The following DCDC1 variants were observed in gnomAD, a reference collection of about 807,000 sequenced individuals.
DCDC1 encodes the protein doublecortin domain containing 1, also known as doublecortin domain-containing protein 1.
DCDC1 carries 200 observed loss-of-function variants against 178.3 expected under a neutral mutation model. The ratio of observed to expected loss-of-function variants is 1.12; its 90% confidence interval spans 1.00 to 1.26. DCDC1 has a LOEUF of 1.26. Ranked by LOEUF, DCDC1 falls within the 50% of genes most tolerant of loss-of-function variation. The pLI is 0.00. For synonymous variants in DCDC1, 690 were observed against 604.8 expected (o/e 1.14, Z -2.07); for missense variants, 1,983 against 1,749.2 (o/e 1.13, Z -2.38).
intron 20 of DCDC1, among the ~76,000 whole-genome samples, chr11:30,981,340 T>TAC (rs1950385252): frequency 6.6e-6 from 1 of 152,114 alleles, no homozygotes; most frequent in Non-Finnish European, 1.5e-5. Flanking sequence ...TGAATTAAAA[T>TAC]AAATTTTAAA....
intron 38 of DCDC1, among the ~76,000 whole-genome samples, chr11:30,873,000 T>C (rs946466149): frequency 6.6e-6 from 1 of 150,548 alleles, no homozygotes; most frequent in Non-Finnish European, 1.5e-5. Flanking sequence ...AATATATATA[T>C]ATATAAATAT....
intron 36 of DCDC1, among the ~76,000 whole-genome samples, chr11:30,888,893 C>A (rs1321449305): frequency 6.6e-6 from 1 of 152,222 alleles, no homozygotes; most frequent in East Asian, 1.9e-4. Context: ...TGCTCACCCA[C>A]AGTCTATTTT....
chr11:31,238,749 A>G (rs1447129157), intron 9 of DCDC1, among the ~76,000 whole-genome samples: 2 of 152,148 alleles, frequency 1.3e-5, no homozygotes, highest in African/African-American at 2.4e-5. Context: ...GCTCCAAGCA[A>G]TTTCCAAGAT....
intron 1 of DCDC1, among the ~76,000 whole-genome samples, chr11:31,347,749 C>T (rs1950886762): frequency 6.6e-6 from 1 of 151,988 alleles, no homozygotes; most frequent in Non-Finnish European, 1.5e-5. Context: ...ATAGAAGGTG[C>T]CAGGGGTCAA....
intron 13 of DCDC1, among the ~76,000 whole-genome samples, chr11:31,106,415 A>C (rs1958848155): frequency 6.6e-6 from 1 of 151,956 alleles, no homozygotes; most frequent in Non-Finnish European, 1.5e-5. Context: ...AAAAAGGGAC[A>C]AAAAAAATAG....
intron 1 of DCDC1, among the ~76,000 whole-genome samples, chr11:31,364,203 C>T (rs1951843846): frequency 6.6e-6 from 1 of 152,166 alleles, no homozygotes; most frequent in South Asian, 2.1e-4. Context: ...ATAATATTTT[C>T]AACTTAAAAT....
At chr11:31,006,965 A>C (rs1299865683) in intron 20 of DCDC1, among the ~76,000 whole-genome samples, 1 of 152,206 alleles carries the variant, frequency 6.6e-6, no homozygotes, top group African/African-American at 2.4e-5. Context: ...CTAGAAACTA[A>C]GTCTGGCCAT....
intron 11 of DCDC1, among the ~76,000 whole-genome samples, chr11:31,120,443 A>G (rs1238736052): frequency 1.3e-5 from 2 of 152,092 alleles, no homozygotes; most frequent in Non-Finnish European, 2.9e-5. Context: ...TGAGCTGCCT[A>G]AAAAAGACCC....
At chr11:31,019,412 GT>G (rs1952714277) in intron 20 of DCDC1, among the ~76,000 whole-genome samples, 1 of 151,224 alleles carries the variant, frequency 6.6e-6, no homozygotes, top group Non-Finnish European at 1.5e-5. Context: ...TATATTATAT[GT>G]TTGTAGAGTG....
In DCDC1 at chr11:30,984,253, G is replaced by C. The variant is rs554783833; in HGVS notation, c.2592-31685C>G. Among the ~76,000 whole-genome samples, 13 of 152,206 alleles carry C rather than the reference G, an allele frequency of 8.5e-5. No homozygotes were observed. The South Asian group carries it at 2.7e-3, about 32-fold the overall frequency. ...TGTGTGCGAGCGCAGGTGTGTGTTT[G>C]GGCACGTGTGTATACAGAACTGTGT... On this transcript the variant is annotated intron_variant, in intron 20 of 38. Coordinates refer to ENST00000684477, the MANE Select transcript of DCDC1 (RefSeq NM_001387274.1).
At chr11:31,353,649 A>T (rs1178619467) in intron 1 of DCDC1, among the ~76,000 whole-genome samples, 1 of 152,196 alleles carries the variant, frequency 6.6e-6, no homozygotes, top group Non-Finnish European at 1.5e-5. Context: ...ATTCTTAAGG[A>T]TAATTTATAC....
intron 1 of DCDC1, among the ~76,000 whole-genome samples, chr11:31,363,723 A>G (rs1053448833): frequency 6.6e-6 from 1 of 152,188 alleles, no homozygotes; most frequent in African/African-American, 2.4e-5. Context: ...CCCACAAATT[A>G]ACACCCCTTG....
chr11:31,254,324 G>T (rs369194932), intron 8 of DCDC1, among the ~76,000 whole-genome samples: 3 of 152,060 alleles, frequency 2.0e-5, no homozygotes, highest in Non-Finnish European at 4.4e-5. Flanking sequence ...TGATTAAGTC[G>T]GATGACTGAG....
At chr11:31,172,937 T>G (rs1967444002) in intron 9 of DCDC1, among the ~76,000 whole-genome samples, 1 of 152,162 alleles carries the variant, frequency 6.6e-6, no homozygotes, top group African/African-American at 2.4e-5. Context: ...TTACATACTC[T>G]AAGAACAAAA....
intron 9 of DCDC1, among the ~76,000 whole-genome samples, chr11:31,223,890 C>A (rs1156402696): frequency 6.6e-6 from 1 of 151,906 alleles, no homozygotes; most frequent in East Asian, 1.9e-4. Flanking sequence ...GTGTCCCCAC[C>A]AAATCTCAAC....
chr11:31,029,982 A>G (rs1285026258), intron 20 of DCDC1, among the ~76,000 whole-genome samples: 1 of 152,138 alleles, frequency 6.6e-6, no homozygotes, highest in East Asian at 1.9e-4. Flanking sequence ...TTTTCATAAT[A>G]TACACAGTTA....
At position 31,200,692 on chromosome 11, in the gene DCDC1, G is replaced by A. The variant is rs1237585825; in HGVS notation, c.1221+40758C>T. 2.0e-5 allele frequency among the ~76,000 whole-genome samples: 3 copies of A among 151,966 alleles called. No individual in the cohort carries two copies. The East Asian group carries it at 5.8e-4, about 29-fold the overall frequency. On this transcript the variant is annotated intron_variant, in intron 9 of 38. Transcript: ENST00000684477. ...TCTGTTAATTTTGTTTAGATAGGCT[G>A]CCTTAGTAATTATATTTCATGTGCT...
At chr11:31,036,513 C>G (rs1230989689) in intron 20 of DCDC1, among the ~76,000 whole-genome samples, 3 of 152,170 alleles carry the variant, frequency 2.0e-5, no homozygotes, top group Non-Finnish European at 2.9e-5. Context: ...CTACCTGTCT[C>G]CTGCTCTAAA....
rs543243031 is a variant in DCDC1 at position 30,945,984 on chromosome 11, C to T, written c.2715+6461G>A. ...TTTTTTAGCTCTGTCCTTTTGAGTA[C>T]CTATTCAATCAAATTGAAGGTTCAA... On this transcript the variant is annotated intron_variant, in intron 21 of 38. Transcript: ENST00000684477. Among the ~76,000 whole-genome samples the T allele has an allele frequency of 2.0e-5, 3 of 152,038 alleles. No individual in the cohort carries two copies. The South Asian group carries it at 6.3e-4, about 32-fold the overall frequency.
Sources: gnomAD v4.1 joint callset for allele counts (sites outside exome capture counted in the v4.1 genomes callset) on GRCh38, gnomAD v4.1.1 for gene constraint, MANE v1.5 for transcripts, NCBI Gene and HGNC (gene_info 2026-07-23, HGNC 2026-07-21) for gene names.